Variants in PLAGL1 observed in about 807,000 individuals in gnomAD.
PLAGL1 encodes PLAG1 like zinc finger 1.
In PLAGL1, 1 loss-of-function variant was observed where a neutral mutation model predicts 4.6. That is an observed-to-expected ratio of 0.22 (90% CI 0.08 to 1.03). The LOEUF is 1.03. Ranked by LOEUF, PLAGL1 falls within the 50% of genes least tolerant of loss-of-function variation. PLAGL1 has a pLI of 0.58. For synonymous variants in PLAGL1, 240 were observed against 237.8 expected (o/e 1.01, Z -0.08); for missense variants, 464 against 570.4 (o/e 0.81, Z 1.90).
chr6:143,981,183 C>T (rs1486641994), intron 2 of PLAGL1, among the ~76,000 whole-genome samples: 1 of 136,038 alleles, frequency 7.4e-6, no homozygotes, highest in Non-Finnish European at 1.5e-5. Flanking sequence ...TGCCTCATCG[C>T]TGAAGCATTA....
intron 1 of PLAGL1, among the ~76,000 whole-genome samples, chr6:144,033,392 G>A (rs1158517014): frequency 6.6e-6 from 1 of 152,184 alleles, no homozygotes; most frequent in Non-Finnish European, 1.5e-5. Context: ...GTGGTGTGCT[G>A]TTGTAACAAA....
rs1046093883 is a variant in PLAGL1, at chr6:143,958,037, A to G, written c.-325+2432T>C. 1.3e-5 allele frequency among the ~76,000 whole-genome samples: 2 copies of G among 152,194 alleles called. No homozygotes were observed. The highest frequency in any genetic ancestry group is 2.9e-5 in the Non-Finnish European group (2 of 68,036). Reference sequence around the variant, plus strand: ...GAAGAGCTCGGAGTCATGAAGCAGCATAGGGCAATGTGGAACACGTGGTGC... The same window carrying G: ...GAAGAGCTCGGAGTCATGAAGCAGCGTAGGGCAATGTGGAACACGTGGTGC... On this transcript the variant is annotated intron_variant, in intron 6 of 7. Transcript: ENST00000674357. This position sits in a 1 kb window ranked among gnomAD's most constrained non-coding sequence, Gnocchi z 5.1.
At chr6:144,023,915 T>C (rs1796155061) in intron 1 of PLAGL1, among the ~76,000 whole-genome samples, 2 of 151,826 alleles carry the variant, frequency 1.3e-5, no homozygotes. Flanking sequence ...TAGCTGGGAT[T>C]ACAGGCACGC....
rs543827875 is a variant in PLAGL1, at chr6:143,961,742, T to G, written c.-398-1200A>C. Among the ~76,000 whole-genome samples the G allele has an allele frequency of 9.2e-5, 14 of 152,322 alleles. No homozygotes were observed. The East Asian group carries it at 2.3e-3, about 25-fold the overall frequency. On this transcript the variant is annotated intron_variant, in intron 5 of 7. Transcript: ENST00000674357. The surrounding 1 kb of genome is among the most constrained non-coding windows in gnomAD (Gnocchi z 6.5). ...CCAAAGGCTTGTATAAAATTTTTTT[T>G]GAAAGAGCTTTAAAAAGACATTAAA... is the stretch of plus-strand genomic sequence containing the variant.
At chr6:144,044,554 G>C (rs1005560117) in intron 1 of PLAGL1, among the ~76,000 whole-genome samples, 5 of 152,254 alleles carry the variant, frequency 3.3e-5, no homozygotes, top group Middle Eastern at 3.4e-3. Flanking sequence ...AGTTTGTTGT[G>C]ATTTCTGTCC....
intron 1 of PLAGL1, among the ~76,000 whole-genome samples, chr6:143,986,441 C>G (rs1051286349): frequency 2.0e-5 from 3 of 152,108 alleles, no homozygotes; most frequent in Non-Finnish European, 2.9e-5. Flanking sequence ...AAAAGATAGT[C>G]TTAACATTCG....
At chr6:144,029,108 A>G (rs1796598455) in intron 1 of PLAGL1, among the ~76,000 whole-genome samples, 1 of 152,214 alleles carries the variant, frequency 6.6e-6, no homozygotes, top group Non-Finnish European at 1.5e-5. Context: ...TCTATTATGT[A>G]GCTATATCAC....
At chr6:143,943,329 A>G (rs1055794707) in intron 7 of PLAGL1, among the ~76,000 whole-genome samples, 5 of 152,132 alleles carry the variant, frequency 3.3e-5, no homozygotes, top group African/African-American at 9.7e-5. Flanking sequence ...GCTACCCAGA[A>G]CCACATAAAG....
chr6:143,976,315 A>G (rs1242036010), intron 2 of PLAGL1, among the ~76,000 whole-genome samples: 2 of 125,996 alleles, frequency 1.6e-5, no homozygotes, highest in Admixed American at 8.5e-5. Context: ...TGAATTCTGA[A>G]TATCTCACTT....
At position 143,962,781 on chromosome 6, in the gene PLAGL1, A is replaced by T. The variant is rs936367799; in HGVS notation, c.-399+2006T>A. 1.3e-5 allele frequency among the ~76,000 whole-genome samples: 2 copies of T among 152,196 alleles called. No homozygotes were observed. The highest frequency in any genetic ancestry group is 4.8e-5 in the African/African-American group (2 of 41,434). ...TGGTTTTACTTAAGCAAATTCTCCA[A>T]ACTGACTTTTTTATTTCTAATGATT... On this transcript the variant is annotated intron_variant, in intron 5 of 7. Coordinates refer to ENST00000674357, the MANE Select transcript of PLAGL1 (RefSeq NM_001317162.2). This position sits in a 1 kb window ranked among gnomAD's most constrained non-coding sequence, Gnocchi z 5.3.
chr6:143,962,280 T>C lies in PLAGL1; in HGVS notation c.-398-1738A>G, dbSNP rs1344985516. Reference sequence around the variant, plus strand: ...AGTTTGACAGGATGCTACTTGCAGATTGCTTTTCAGGTCAGAATTTAGATT... The same window carrying C: ...AGTTTGACAGGATGCTACTTGCAGACTGCTTTTCAGGTCAGAATTTAGATT... On this transcript the variant is annotated intron_variant, in intron 5 of 7. Coordinates refer to ENST00000674357, the MANE Select transcript of PLAGL1 (RefSeq NM_001317162.2). This position sits in a 1 kb window ranked among gnomAD's most constrained non-coding sequence, Gnocchi z 5.3. Among the ~76,000 whole-genome samples, 3 of 152,230 alleles carry C rather than the reference T, an allele frequency of 2.0e-5. No individual in the cohort carries two copies. The highest frequency in any genetic ancestry group is 4.4e-5 in the Non-Finnish European group (3 of 68,028).
chr6:144,048,782 A>C lies in PLAGL1; in HGVS notation c.-151+15686T>G, dbSNP rs929683026. The stretch of plus-strand genomic sequence containing the variant: ...AAATGTTTTCCCCATCATCTTGGCT[A>C]TTAATATGTGGCTCCTCATTACTCA... On this transcript the variant is annotated intron_variant, in intron 1 of 3. Transcript: ENST00000437412. This position sits in a 1 kb window ranked among gnomAD's most constrained non-coding sequence, Gnocchi z 4.8. Among the ~76,000 whole-genome samples, 9 of 152,358 alleles carry C rather than the reference A, an allele frequency of 5.9e-5. No individual in the cohort carries two copies. The highest frequency in any genetic ancestry group is 1.7e-4 in the African/African-American group (7 of 41,594).
chr6:144,000,227 G>A lies in PLAGL1; in HGVS notation c.-584+7863C>T, dbSNP rs1792554437. On this transcript the variant is annotated intron_variant, in intron 1 of 7. Coordinates refer to ENST00000674357, the MANE Select transcript of PLAGL1 (RefSeq NM_001317162.2). This position sits in a 1 kb window ranked among gnomAD's most constrained non-coding sequence, Gnocchi z 4.1. ...TCAGAAGCAAAATAAGAATGCCCAT[G>A]ATCAGTACCACTATTCTTCATTGTA... 6.6e-6 allele frequency among the ~76,000 whole-genome samples: 1 copy of A among 152,070 alleles called. No individual in the cohort carries two copies. Among genetic ancestry groups the A allele is most frequent in the South Asian group, 2.1e-4 (1 of 4,826 alleles).
chr6:144,013,058 G>T (rs6937531), upstream of PLAGL1, among the ~76,000 whole-genome samples: 36,533 of 152,106 alleles, frequency 0.24, 4,588 homozygotes, highest in Admixed American at 0.35. This position sits in a 1 kb window ranked among gnomAD's most constrained non-coding sequence, Gnocchi z 4.4. Flanking sequence ...GGACCCAAGG[G>T]TTGCCAGCGT....
chr6:144,001,592 T>C (rs1792895649), intron 1 of PLAGL1, among the ~76,000 whole-genome samples: 1 of 152,160 alleles, frequency 6.6e-6, no homozygotes, highest in Non-Finnish European at 1.5e-5. Flanking sequence ...GACCACAAAT[T>C]ATTTGATATC....
At chr6:144,023,768 C>CTTTTTTTTTTTTTTTTTTTTTTTTT (rs34002736) in intron 1 of PLAGL1, among the ~76,000 whole-genome samples, 1 of 72,638 alleles carries the variant, frequency 1.4e-5, no homozygotes, top group Non-Finnish European at 2.6e-5. Flanking sequence ...TCATATTTAG[C>CTTTTTTTTTTTTTTTTTTTTTTTTT]TTTTTTTTTT....
intron 1 of PLAGL1, among the ~76,000 whole-genome samples, chr6:144,020,108 C>A (rs188129915): frequency 6.6e-6 from 1 of 152,258 alleles, no homozygotes; most frequent in Admixed American, 6.5e-5. Context: ...CTCCTTCTCT[C>A]CCTCTCTCCA....
At position 143,941,511 on chromosome 6, in the gene PLAGL1, G is replaced by T; in HGVS notation, c.1305C>A (p.Gly435=). The change falls in exon 8 of 8, where the codon GGC becomes GGA. Residue 435 remains glycine, a synonymous_variant. Transcript: ENST00000674357. This position sits in a 1 kb window ranked among gnomAD's most constrained non-coding sequence, Gnocchi z 6.0. ...GAGGGATGGGGGGCAGGGGGAGCTGGCCCAGGCTCACAGTGCCCATGGCAA... is the reference window on the plus strand; with the variant it reads ...GAGGGATGGGGGGCAGGGGGAGCTGTCCCAGGCTCACAGTGCCCATGGCAA... ...PPLAMGTVSL[G]QLPLPPIPHV... 6.5e-7 allele frequency: 1 copy of T among 1,539,378 alleles called. No homozygotes were observed. The highest frequency in any genetic ancestry group is 8.7e-7 in the Non-Finnish European group (1 of 1,143,668).
At position 144,064,146 on chromosome 6, in the gene PLAGL1, TC is replaced by T. The variant is rs1431104954; in HGVS notation, c.-151+321del. Among the ~76,000 whole-genome samples, 1 of 151,134 alleles carries T rather than the reference TC, an allele frequency of 6.6e-6. No homozygotes were observed. Among genetic ancestry groups the T allele is most frequent in the Admixed American group, 6.6e-5 (1 of 15,208 alleles). Reference sequence around the variant, plus strand: ...GGGCGCTAGGTGGCGGCTGTTCAGCTCCCACGTCACCCGGCCCGCCCTCCGC... The same window carrying T: ...GGGCGCTAGGTGGCGGCTGTTCAGCTCCACGTCACCCGGCCCGCCCTCCGC... On this transcript the variant is annotated intron_variant, in intron 1 of 3. Transcript: ENST00000437412. This position sits in a 1 kb window ranked among gnomAD's most constrained non-coding sequence, Gnocchi z 6.8.
Sources: allele counts gnomAD v4.1 joint callset (sites outside exome capture counted in the v4.1 genomes callset), GRCh38; gene constraint gnomAD v4.1.1; non-coding constraint Gnocchi (gnomAD v3.1); transcripts MANE v1.5; gene names NCBI Gene and HGNC (gene_info 2026-07-23, HGNC 2026-07-21).